PLCXD3: variants seen among roughly 807,000 people sequenced by gnomAD.
PLCXD3 encodes PI-PLC X domain-containing protein 3.
Under a neutral mutation model 25.5 loss-of-function variants are expected in PLCXD3, and 19 were observed. That is an observed-to-expected ratio of 0.75 (90% confidence interval 0.52 to 1.09). The LOEUF is 1.09. PLCXD3 is among the 50% of genes least tolerant of loss of function. The pLI, the probability that PLCXD3 is intolerant of heterozygous loss-of-function variation, is 0.00. For missense variants in PLCXD3, 411 were observed against 388.1 expected (o/e 1.06, Z -0.50); for synonymous variants, 174 against 137.6 (o/e 1.26, Z -1.85).
rs796113283 is a variant in PLCXD3, at chr5:41,410,471, C to T, written c.104-27937G>A. 7.3e-5 allele frequency among the ~76,000 whole-genome samples: 11 copies of T among 151,166 alleles called. 1 individual carries two copies. Among genetic ancestry groups the T allele is most frequent in the African/African-American group, 2.7e-4 (11 of 41,386 alleles). ...GCCCCCCAGCTCCTTTTATGATTCC[C>T]TGGACCGTGAATTTCCTGTACCGGA... is the stretch of plus-strand genomic sequence containing the variant. On this transcript the variant is annotated intron_variant, in intron 1 of 2. Coordinates refer to ENST00000377801, the MANE Select transcript of PLCXD3 (RefSeq NM_001005473.3).
chr5:41,457,720 A>G (rs1747783995), intron 1 of PLCXD3, among the ~76,000 whole-genome samples: 1 of 151,920 alleles, frequency 6.6e-6, no homozygotes, highest in African/African-American at 2.4e-5. Context: ...CCATGGGACT[A>G]GGGTTCTTAA....
At chr5:41,419,118 C>T (rs1482237502) in intron 1 of PLCXD3, among the ~76,000 whole-genome samples, 2 of 143,342 alleles carry the variant, frequency 1.4e-5, no homozygotes, top group Non-Finnish European at 3.2e-5. Context: ...TTGGCAGAGG[C>T]AGGGGGTGGG....
intron 1 of PLCXD3, among the ~76,000 whole-genome samples, chr5:41,445,491 C>T (rs1275369200): frequency 1.3e-5 from 2 of 152,126 alleles, no homozygotes; most frequent in Non-Finnish European, 2.9e-5. Flanking sequence ...TATGAGTCTC[C>T]TATGGAAATA....
At chr5:41,399,763 C>A (rs1010222140) in intron 1 of PLCXD3, among the ~76,000 whole-genome samples, 1 of 152,054 alleles carries the variant, frequency 6.6e-6, no homozygotes, top group African/African-American at 2.4e-5. Flanking sequence ...GTTGGAGAAA[C>A]TTTCCAGGAC....
At position 41,389,637 on chromosome 5, in the gene PLCXD3, G is replaced by C. The variant is rs1226598248; in HGVS notation, c.104-7103C>G. ...GTCAGTCAACACCATATCTGCTGTT[G>C]ATGTTGGTAACAGTGACCATCAGAA... On this transcript the variant is annotated intron_variant, in intron 1 of 2. Transcript: ENST00000377801. Among the ~76,000 whole-genome samples, 3 of 152,264 alleles carry C rather than the reference G, an allele frequency of 2.0e-5. No homozygotes were observed. The East Asian group carries it at 5.8e-4, about 29-fold the overall frequency.
chr5:41,460,944 A>T (rs1487053817), intron 1 of PLCXD3, among the ~76,000 whole-genome samples: 1 of 151,986 alleles, frequency 6.6e-6, no homozygotes, highest in Non-Finnish European at 1.5e-5. Context: ...ATTTGGTATA[A>T]GATTACATTT....
intron 2 of PLCXD3, among the ~76,000 whole-genome samples, chr5:41,343,817 C>T (rs537649947): frequency 7.9e-5 from 12 of 152,048 alleles, no homozygotes; most frequent in Non-Finnish European, 1.2e-4. Context: ...TCCTAAAGCC[C>T]AAGCATTATG....
At chr5:41,492,266 ACT>A (rs1748717474) in intron 1 of PLCXD3, among the ~76,000 whole-genome samples, 1 of 151,814 alleles carries the variant, frequency 6.6e-6, no homozygotes, top group Admixed American at 6.6e-5. Flanking sequence ...ATTGGCCCCC[ACT>A]CTCTTCTGGC....
intron 2 of PLCXD3, among the ~76,000 whole-genome samples, chr5:41,365,084 T>A (rs1415232960): frequency 6.6e-6 from 1 of 152,212 alleles, no homozygotes; most frequent in East Asian, 1.9e-4. Flanking sequence ...GTGTTGTAAA[T>A]CTGTGGCTGG....
At chr5:41,433,844 CAT>C (rs1410116070) in intron 1 of PLCXD3, among the ~76,000 whole-genome samples, 1 of 152,280 alleles carries the variant, frequency 6.6e-6, no homozygotes, top group African/African-American at 2.4e-5. Flanking sequence ...GAAACAAAAA[CAT>C]AAAATGACTC....
Position 41,372,291 on chromosome 5 carries a change from C to T in PLCXD3, c.812+9535G>A, listed in dbSNP as rs985127886. Among the ~76,000 whole-genome samples the T allele has an allele frequency of 5.9e-5, 8 of 135,182 alleles. No individual in the cohort carries two copies. The East Asian group carries it at 8.1e-4, about 14-fold the overall frequency. The allele number at this position is 135,182 out of a possible 152,430, so 88.7% of individuals were successfully genotyped here. On this transcript the variant is annotated intron_variant, in intron 2 of 2. Transcript: ENST00000377801. ...ATATGTATTCATTCTCTCTCTCTCT[C>T]TCTCTCTCACACACACACACACACA... is the stretch of plus-strand genomic sequence containing the variant.
intron 2 of PLCXD3, among the ~76,000 whole-genome samples, chr5:41,342,785 T>G (rs1744187848): frequency 6.6e-6 from 1 of 152,124 alleles, no homozygotes; most frequent in Non-Finnish European, 1.5e-5. Flanking sequence ...ATTCCAAAAG[T>G]TAAAAACTAT....
intron 1 of PLCXD3, among the ~76,000 whole-genome samples, chr5:41,436,771 T>C (rs372382319): frequency 9.9e-5 from 15 of 152,208 alleles, no homozygotes; most frequent in Admixed American, 9.2e-4. Flanking sequence ...GGACAAAAGA[T>C]ATAAACCTAC....
intron 2 of PLCXD3, among the ~76,000 whole-genome samples, chr5:41,370,928 A>G (rs930985459): frequency 1.8e-4 from 28 of 152,070 alleles, no homozygotes; most frequent in African/African-American, 6.8e-4. Context: ...ATGTTCTTCT[A>G]TTTTTTTCCT....
intron 2 of PLCXD3, among the ~76,000 whole-genome samples, chr5:41,351,271 C>T (rs2150481046): frequency 6.6e-6 from 1 of 152,286 alleles, no homozygotes; most frequent in Non-Finnish European, 1.5e-5. Context: ...TCTCACTCCC[C>T]ATTCCCCACC....
intron 1 of PLCXD3, among the ~76,000 whole-genome samples, chr5:41,488,007 A>G (rs318053): frequency 0.57 from 83,954 of 148,448 alleles, 25,374 homozygotes; most frequent in African/African-American, 0.8. Flanking sequence ...ATGCTGGTGT[A>G]CTGCACCCAT....
chr5:41,361,736 CAGTT>C (rs1456006604), intron 2 of PLCXD3, among the ~76,000 whole-genome samples: 1 of 152,210 alleles, frequency 6.6e-6, no homozygotes, highest in Admixed American at 6.5e-5. Context: ...TCAGAGCTGT[CAGTT>C]AATCTATTGT....
chr5:41,357,674 T>G, intron 2 of PLCXD3, among the ~76,000 whole-genome samples: 1 of 152,224 alleles, frequency 6.6e-6, no homozygotes, highest in East Asian at 1.9e-4. Flanking sequence ...CAAGTCTATA[T>G]TGTAATGTCT....
At chr5:41,386,509 G>A (rs972006387) in intron 1 of PLCXD3, among the ~76,000 whole-genome samples, 5 of 151,864 alleles carry the variant, frequency 3.3e-5, no homozygotes, top group African/African-American at 7.3e-5. Flanking sequence ...TAATCCCTCC[G>A]CTTGAGTTTC....
Sources: allele counts gnomAD v4.1 joint callset (sites outside exome capture counted in the v4.1 genomes callset), GRCh38; gene constraint gnomAD v4.1.1; transcripts MANE v1.5; gene names NCBI Gene and HGNC (gene_info 2026-07-23, HGNC 2026-07-21).